The following NLGN1 variants were observed in gnomAD, a reference collection of about 807,000 sequenced individuals.
The protein encoded by NLGN1 is neuroligin 1.
NLGN1 carries 12 observed loss-of-function variants against 65.5 expected under a neutral mutation model. That is an observed-to-expected ratio of 0.18 (90% CI 0.12 to 0.30). The LOEUF (loss-of-function observed/expected upper bound fraction) is 0.30, where lower values mean the gene tolerates loss of function less well. Among genes scored for constraint, NLGN1 ranks in the 10% least tolerant of loss-of-function variants. The probability of loss-of-function intolerance (pLI) is 1.00; values close to 1 mark genes in which losing one functional copy is unlikely to be tolerated. For synonymous variants in NLGN1, 350 were observed against 359.5 expected, an observed-to-expected ratio of 0.97 and a Z score of 0.30; for missense variants, 750 against 1,007.1, an observed-to-expected ratio of 0.74 and a Z score of 3.46.
At chr3:173,417,505 T>A (rs1216723457) in intron 1 of NLGN1, among the ~76,000 whole-genome samples, 1 of 151,922 alleles carries the variant, frequency 6.6e-6, no homozygotes, top group African/African-American at 2.4e-5. Context: ...ATTTTCTTTA[T>A]AAAATTAGCA....
intron 4 of NLGN1, among the ~76,000 whole-genome samples, chr3:173,885,196 G>C (rs1181858895): frequency 6.6e-6 from 1 of 152,086 alleles, no homozygotes; most frequent in Non-Finnish European, 1.5e-5. Context: ...ATTTCATTTA[G>C]AAATTTTGTT....
At chr3:174,024,798 A>G (rs1728528106) in intron 4 of NLGN1, among the ~76,000 whole-genome samples, 1 of 152,170 alleles carries the variant, frequency 6.6e-6, no homozygotes, top group Non-Finnish European at 1.5e-5. Flanking sequence ...TAAAATCGCC[A>G]TTGCTCTGTC....
At chr3:173,980,902 T>C (rs1206555293) in intron 4 of NLGN1, among the ~76,000 whole-genome samples, 2 of 152,200 alleles carry the variant, frequency 1.3e-5, no homozygotes, top group African/African-American at 4.8e-5. Context: ...GAGAAATTAA[T>C]ACTTTGTAAT....
chr3:174,125,798 T>C (rs1718824974), intron 4 of NLGN1, among the ~76,000 whole-genome samples: 1 of 152,012 alleles, frequency 6.6e-6, no homozygotes, highest in African/African-American at 2.4e-5. Flanking sequence ...GAAGAAAACT[T>C]TTAAGATTGT....
At chr3:173,474,055 T>A (rs12491312) in intron 2 of NLGN1, among the ~76,000 whole-genome samples, 73,528 of 152,062 alleles carry the variant, frequency 0.48, 20,378 homozygotes, top group East Asian at 0.83. Context: ...CAGGTCTCAG[T>A]TGAACTTTTT....
intron 1 of NLGN1, among the ~76,000 whole-genome samples, chr3:173,434,176 A>G (rs1717685398): frequency 6.6e-6 from 1 of 152,304 alleles, no homozygotes; most frequent in African/African-American, 2.4e-5. Flanking sequence ...TTTATATCAG[A>G]TAATGTTTAG....
chr3:173,644,148 C>T (rs1036704770), intron 3 of NLGN1: 24 of 152,434 alleles, frequency 1.6e-4, no homozygotes, highest in African/African-American at 5.1e-4. Flanking sequence ...CCAATGTCCA[C>T]TGAACTACCA....
chr3:173,610,798 A>AT (rs1752160230), intron 3 of NLGN1, among the ~76,000 whole-genome samples: 1 of 151,930 alleles, frequency 6.6e-6, no homozygotes, highest in African/African-American at 2.4e-5. Flanking sequence ...ATGGGTGAAG[A>AT]TTTGGAGTGG....
chr3:173,631,857 T>C lies in NLGN1; in HGVS notation c.493+26766T>C, dbSNP rs181208644. Among the ~76,000 whole-genome samples the C allele has an allele frequency of 9.1e-4, 139 of 152,246 alleles. 1 individual carries two copies. The highest frequency in any genetic ancestry group is 1.6e-3 in the Non-Finnish European group (107 of 67,994). ...ATTAAAATTAAGTTTTGGGTGAAAA[T>C]TATTCAATCATATTTAGAATTTCAA... On this transcript the variant is annotated intron_variant, in intron 3 of 6. Coordinates refer to ENST00000457714, the Ensembl canonical transcript of NLGN1.
intron 2 of NLGN1, among the ~76,000 whole-genome samples, chr3:173,563,811 G>T (rs2149306465): frequency 6.6e-6 from 1 of 152,180 alleles, no homozygotes; most frequent in African/African-American, 2.4e-5. Flanking sequence ...TCTTCCATTT[G>T]GATTTCTGCA....
At chr3:174,043,367 G>A (rs892775334) in intron 4 of NLGN1, among the ~76,000 whole-genome samples, 19 of 152,026 alleles carry the variant, frequency 1.2e-4, no homozygotes, top group African/African-American at 4.1e-4. Flanking sequence ...GTCCAAGTCC[G>A]AAGTCTCATC....
At chr3:173,792,266 G>GA (rs1712961938) in intron 3 of NLGN1, among the ~76,000 whole-genome samples, 1 of 152,106 alleles carries the variant, frequency 6.6e-6, no homozygotes, top group Non-Finnish European at 1.5e-5. Context: ...GACCCACTCA[G>GA]AAAACAGGAT....
intron 1 of NLGN1, among the ~76,000 whole-genome samples, chr3:173,400,149 C>A (rs1223249502): frequency 6.6e-6 from 1 of 152,082 alleles, no homozygotes; most frequent in Non-Finnish European, 1.5e-5. Context: ...AGTTTGCAGT[C>A]GGTTTCCATC....
intron 3 of NLGN1, among the ~76,000 whole-genome samples, chr3:173,629,966 A>C (rs1192180163): frequency 6.6e-6 from 1 of 152,218 alleles, no homozygotes. Flanking sequence ...AACTTAAAAA[A>C]TGCTGAAGGT....
intron 3 of NLGN1, among the ~76,000 whole-genome samples, chr3:173,781,239 A>T (rs1420167750): frequency 6.6e-6 from 1 of 152,058 alleles, no homozygotes; most frequent in Non-Finnish European, 1.5e-5. Flanking sequence ...TACCCTAGAG[A>T]AAAAGCATTT....
At chr3:173,417,785 A>C (rs1714090825) in intron 1 of NLGN1, among the ~76,000 whole-genome samples, 1 of 151,998 alleles carries the variant, frequency 6.6e-6, no homozygotes. Context: ...AAGGGAATGA[A>C]TGCACAATAT....
At chr3:174,111,215 A>G (rs900497389) in intron 4 of NLGN1, among the ~76,000 whole-genome samples, 1 of 151,982 alleles carries the variant, frequency 6.6e-6, no homozygotes, top group Non-Finnish European at 1.5e-5. Context: ...CAGTATGGCT[A>G]CATAAGCTAG....
intron 4 of NLGN1, among the ~76,000 whole-genome samples, chr3:173,958,283 A>G (rs769477368): frequency 2.0e-5 from 3 of 152,216 alleles, no homozygotes; most frequent in Non-Finnish European, 2.9e-5. Context: ...AACGAAGTAC[A>G]TGGACAAGTG....
At chr3:174,060,474 G>T (rs1267990103) in intron 4 of NLGN1, among the ~76,000 whole-genome samples, 2 of 152,094 alleles carry the variant, frequency 1.3e-5, no homozygotes, top group Non-Finnish European at 2.9e-5. Context: ...AGGACTTAAA[G>T]CAAGTGGAAC....
Sources: allele counts gnomAD v4.1 joint callset (sites outside exome capture counted in the v4.1 genomes callset), GRCh38; gene constraint gnomAD v4.1.1; transcripts MANE v1.5; gene names NCBI Gene and HGNC (gene_info 2026-07-23, HGNC 2026-07-21).